The following DHX29 variants were observed in gnomAD, a reference collection of about 807,000 sequenced individuals.
The protein encoded by DHX29 is ATP-dependent RNA helicase DHX29.
DHX29 carries 79 observed loss-of-function variants against 167.9 expected under a neutral mutation model. The ratio of observed to expected loss-of-function variants is 0.47; its 90% CI spans 0.39 to 0.57. The LOEUF is 0.57. DHX29 is among the 20% of genes least tolerant of loss of function. The pLI is 0.00. For missense variants in DHX29, 1,347 were observed against 1,593.4 expected (o/e 0.85, Z 2.63); for synonymous variants, 530 against 546.0 (o/e 0.97, Z 0.41).
At chr5:55,273,464 CAACTTT>C in intron 16 of DHX29, 87 bp from the exon 17 acceptor site, 2 of 1,319,490 alleles carry the variant, frequency 1.5e-6, no homozygotes, top group Non-Finnish European at 2.0e-6. Context: ...ATATAGCAAG[CAACTTT>C]AAGATTTTTT....
chr5:55,302,385 C>G (rs1748647504), intron 1 of DHX29, among the ~76,000 whole-genome samples: 1 of 152,072 alleles, frequency 6.6e-6, no homozygotes, highest in African/African-American at 2.4e-5. Flanking sequence ...TCATATGCTA[C>G]TGACAAGAGT....
intron 13 of DHX29, 86 bp downstream of exon 13, chr5:55,277,020 C>G (rs1361575637): frequency 3.2e-6 from 3 of 946,746 alleles, no homozygotes; most frequent in Non-Finnish European, 3.2e-6. Flanking sequence ...TAGTTCTGGC[C>G]TCTGACTACA....
At position 55,274,873 on chromosome 5, in the gene DHX29, T is replaced by C. The variant is rs1434043306; in HGVS notation, c.2565A>G (p.Ala855=). Residue 855 remains alanine, a synonymous_variant, in exon 15 of 27, where the codon GCA becomes GCG. Transcript: ENST00000251636. The part of the protein sequence containing the change: ...INLDLILELL[A]YLDKSPQFRN... ...TTAGAAATAGAAATATACCTAAGTATGCAAGAAGTTCCAAAATGAGATCCA... is the reference window on the plus strand; with the variant it reads ...TTAGAAATAGAAATATACCTAAGTACGCAAGAAGTTCCAAAATGAGATCCA... 8 of 1,613,246 alleles carry C rather than the reference T, an allele frequency of 5.0e-6. No homozygotes were observed. In the Admixed American group the frequency reaches 8.4e-5, roughly 17 times the overall value.
intron 23 of DHX29, among the ~76,000 whole-genome samples, chr5:55,263,228 T>C (rs1049762028): frequency 6.6e-6 from 1 of 152,144 alleles, no homozygotes; most frequent in Non-Finnish European, 1.5e-5. Context: ...TCTACTTCCA[T>C]AGTAGCTCTC....
At chr5:55,270,169 G>A (rs1371381415) in intron 20 of DHX29, among the ~76,000 whole-genome samples, 3 of 151,946 alleles carry the variant, frequency 2.0e-5, no homozygotes, top group Non-Finnish European at 4.4e-5. Context: ...GTAGGCAACA[G>A]TGCCCCCAGT....
chr5:55,285,697 T>C lies in DHX29; in HGVS notation c.1231A>G (p.Arg411Gly). The change falls in exon 9 of 27, where the codon AGG (arginine) becomes GGG (glycine). Residue 411 changes from arginine to glycine, a missense_variant and splice_region_variant. Physicochemically the swap from Arg to Gly is moderately radical, Grantham distance 125 (BLOSUM62 -2). Coordinates refer to ENST00000251636, the MANE Select transcript of DHX29 (RefSeq NM_019030.4). ...KVPVGRYWKC[R>G]VRVIKSEDDV... ...AAACAACAACAACAAAAAACATACC[T>C]ACATTTCCAGTATCTACCTACTGGA... The C allele has an allele frequency of 6.4e-7, 1 of 1,555,578 alleles. No homozygotes were observed. The highest frequency in any genetic ancestry group is 8.7e-7 in the Non-Finnish European group (1 of 1,149,956).
intron 26 of DHX29, among the ~76,000 whole-genome samples, chr5:55,256,950 T>C (rs1444840886): frequency 6.6e-6 from 1 of 152,224 alleles, no homozygotes; most frequent in African/African-American, 2.4e-5. Flanking sequence ...CTTCAGAGTA[T>C]GGCAGAATTT....
chr5:55,270,657 T>C lies in DHX29; in HGVS notation c.2914A>G (p.Lys972Glu). Reference protein sequence around the residue: ...MSSLVETFVSKASALQRQGRA... With the variant: ...MSSLVETFVSEASALQRQGRA... ...CCCTGGCGCTGCAAAGCACTGGCTT[T>C]ACTGACAAACGTCTCCACCAAAGAA... The change falls in exon 19 of 27, where the codon AAA (lysine) becomes GAA (glutamate). Residue 972 changes from lysine to glutamate, a missense_variant. This residue lies in a region of DHX29 where 882 missense variants were observed against 1,082.4 expected (regional missense o/e 0.81). Transcript: ENST00000251636. 6.2e-7 allele frequency: 1 copy of C among 1,614,094 alleles called. No individual in the cohort carries two copies. The highest frequency in any genetic ancestry group is 8.5e-7 in the Non-Finnish European group (1 of 1,179,926).
intron 1 of DHX29, among the ~76,000 whole-genome samples, chr5:55,299,857 C>T (rs960401188): frequency 7.9e-5 from 12 of 152,134 alleles, no homozygotes; most frequent in Non-Finnish European, 1.8e-4. Flanking sequence ...CTACAGTTGC[C>T]AAGTCTGTTC....
chr5:55,267,100 C>A, intron 23 of DHX29, 38 bp downstream of exon 23: 1 of 1,353,838 alleles, frequency 7.4e-7, no homozygotes, highest in Non-Finnish European at 1.0e-6. Context: ...ATTATAGTTA[C>A]CCATGACTCT....
In DHX29 at chr5:55,295,468, G is replaced by A; in HGVS notation, c.562C>T (p.Pro188Ser). Residue 188 changes from proline (P) to serine (S), a missense_variant, in exon 5 of 27, where the codon CCT becomes TCT. Coordinates refer to ENST00000251636, the MANE Select transcript of DHX29 (RefSeq NM_019030.4). ...TGTATTTGAGGAGACTGAAATTTAG[G>A]CCTACTTTTAGGTTGCTGCTCTTCA... Reference protein sequence around the residue: ...EFEEQQPKSRPKFQSPQIQAT... With the variant: ...EFEEQQPKSRSKFQSPQIQAT... 1 of 1,613,796 alleles carries A rather than the reference G, an allele frequency of 6.2e-7. No individual in the cohort carries two copies. Among genetic ancestry groups the A allele is most frequent in the Non-Finnish European group, 8.5e-7 (1 of 1,179,792 alleles).
In DHX29 at chr5:55,283,437, A is replaced by T; in HGVS notation, c.1731T>A (p.His577Gln). 2 of 1,614,192 alleles carry T rather than the reference A, an allele frequency of 1.2e-6. No individual in the cohort carries two copies. The highest frequency in any genetic ancestry group is 1.7e-6 in the Non-Finnish European group (2 of 1,180,030). Residue 577 changes from histidine to glutamine, a missense_variant, in exon 11 of 27, where the codon CAT becomes CAA. Transcript: ENST00000251636. Reference protein sequence around the residue: ...KERQQLPVFKHRDSIVETLKR... With the variant: ...KERQQLPVFKQRDSIVETLKR... ...TAAGAGTTTCAACAATTGAGTCCCG[A>T]TGTTTAAATACAGGTAGCTGTTGTC...
intron 8 of DHX29, 74 bp downstream of exon 8, chr5:55,289,196 A>C: frequency 7.0e-7 from 1 of 1,418,794 alleles, no homozygotes; most frequent in Non-Finnish European, 9.2e-7. Context: ...CAAAGTAACG[A>C]ATTTTACCAT....
chr5:55,256,149 T>G lies in DHX29; in HGVS notation c.*339A>C, dbSNP rs777546150. 6.0e-6 allele frequency: 1 copy of G among 165,606 alleles called. No homozygotes were observed. The highest frequency in any genetic ancestry group is 6.4e-5 in the Admixed American group (1 of 15,684). The allele number at this position is 165,606 out of a possible 1,614,324, so 10.3% of individuals were successfully genotyped here. A position where few individuals can be genotyped will look rare whatever the true frequency, so the allele number is the denominator to read the frequency against. ...AAATTCTGCAGACATCAAGGACTGATAGGGGATGAGGCAGCTACACAGGGA... is the reference window on the plus strand; with the variant it reads ...AAATTCTGCAGACATCAAGGACTGAGAGGGGATGAGGCAGCTACACAGGGA... On this transcript the variant is annotated 3_prime_UTR_variant, in exon 27 of 27. Transcript: ENST00000251636.
chr5:55,297,360 T>G lies in DHX29; in HGVS notation c.300A>C (p.Gly100=), dbSNP rs1748376339. 6.3e-7 allele frequency: 1 copy of G among 1,577,962 alleles called. No individual in the cohort carries two copies. Among genetic ancestry groups the G allele is most frequent in the African/African-American group, 1.3e-5 (1 of 74,300 alleles). Reference sequence around the variant, plus strand: ...TTTGCTTTTTATGCTCATTGATCACTCCAATAATTCTTTGCTCTAGTTTGT... The same window carrying G: ...TTTGCTTTTTATGCTCATTGATCACGCCAATAATTCTTTGCTCTAGTTTGT... ...INNKLEQRII[G]VINEHKKQNN... is the part of the protein sequence containing the mutation. The change falls in exon 3 of 27, where the codon GGA becomes GGC. Residue 100 remains glycine, a synonymous_variant. Coordinates refer to ENST00000251636, the MANE Select transcript of DHX29 (RefSeq NM_019030.4).
chr5:55,288,803 T>G (rs1747879044), intron 8 of DHX29, among the ~76,000 whole-genome samples: 1 of 152,116 alleles, frequency 6.6e-6, no homozygotes, highest in South Asian at 2.1e-4. Context: ...GGTAGCAAGA[T>G]GAGCGAAGTA....
intron 14 of DHX29, 93 bp from the exon 15 acceptor site, chr5:55,275,103 A>G: frequency 7.1e-7 from 1 of 1,413,622 alleles, no homozygotes; most frequent in Non-Finnish European, 9.6e-7. Flanking sequence ...CATTCATTCA[A>G]ATCTATATTT....
intron 8 of DHX29, among the ~76,000 whole-genome samples, chr5:55,287,319 T>G (rs1188600492): frequency 6.6e-6 from 1 of 152,046 alleles, no homozygotes; most frequent in African/African-American, 2.4e-5. Context: ...CATGCACCTG[T>G]AATCCCGGCT....
intron 23 of DHX29, among the ~76,000 whole-genome samples, chr5:55,266,249 G>A (rs961190447): frequency 1.3e-5 from 2 of 149,364 alleles, no homozygotes; most frequent in Admixed American, 6.7e-5. Flanking sequence ...CACCCGCCTC[G>A]GCCTCCCAAA....
Sources: gnomAD v4.1 joint callset for allele counts (sites outside exome capture counted in the v4.1 genomes callset) on GRCh38, gnomAD v4.1.1 for gene constraint, gnomAD v4.1.1 regional missense constraint, MANE v1.5 for transcripts, NCBI Gene and HGNC (gene_info 2026-07-23, HGNC 2026-07-21) for gene names.